The following SLC2A13 variants were observed in gnomAD, a reference collection of about 807,000 sequenced individuals.
SLC2A13 encodes the protein proton myo-inositol cotransporter.
A neutral mutation model predicts 64.4 loss-of-function variants in SLC2A13; 32 were observed. The ratio of observed to expected loss-of-function variants is 0.50; its 90% CI spans 0.37 to 0.67. SLC2A13 has a LOEUF of 0.67. Ranked by LOEUF, SLC2A13 falls within the 30% of genes least tolerant of loss-of-function variation. SLC2A13 has a pLI of 0.00. For synonymous variants in SLC2A13, 338 were observed against 327.1 expected, an observed-to-expected ratio of 1.03 and a Z score of -0.36; for missense variants, 743 against 829.2, an observed-to-expected ratio of 0.90 and a Z score of 1.28.
rs575758320 is a variant in SLC2A13 at position 39,851,426 on chromosome 12, C to T, written c.1319+13336G>A. On this transcript the variant is annotated intron_variant, in intron 6 of 9. Coordinates refer to ENST00000280871, the MANE Select transcript of SLC2A13 (RefSeq NM_052885.4). ...CATTCTGACTCTTAACTGACAATAA[C>T]TTTATATATTGATAATTATTAAAAA... 4.7e-4 allele frequency among the ~76,000 whole-genome samples: 72 copies of T among 152,216 alleles called. No homozygotes were observed. The East Asian group carries it at 9.5e-3, about 20-fold the overall frequency.
At chr12:40,066,205 G>T (rs935726302) in intron 1 of SLC2A13, among the ~76,000 whole-genome samples, 1 of 152,114 alleles carries the variant, frequency 6.6e-6, no homozygotes, top group African/African-American at 2.4e-5. Context: ...GAAAGCTTCA[G>T]GCCTGCATCT....
intron 7 of SLC2A13, among the ~76,000 whole-genome samples, chr12:39,788,392 C>T (rs1261134733): frequency 1.3e-5 from 2 of 152,096 alleles, no homozygotes; most frequent in South Asian, 2.1e-4. Flanking sequence ...AATCTGATAA[C>T]TGAGAAGACT....
At chr12:39,790,131 T>C in intron 7 of SLC2A13, among the ~76,000 whole-genome samples, 1 of 151,642 alleles carries the variant, frequency 6.6e-6, no homozygotes, top group African/African-American at 2.4e-5. Flanking sequence ...TGTGTTCTTT[T>C]TTTTTTTTGA....
chr12:40,069,298 C>T (rs1049726217), intron 1 of SLC2A13, among the ~76,000 whole-genome samples: 4 of 152,024 alleles, frequency 2.6e-5, no homozygotes, highest in Admixed American at 2.0e-4. Flanking sequence ...ACATGTATAG[C>T]TTAATGAATG....
chr12:39,833,411 A>G (rs1377252698), intron 6 of SLC2A13, among the ~76,000 whole-genome samples: 1 of 152,014 alleles, frequency 6.6e-6, no homozygotes, highest in African/African-American at 2.4e-5. Flanking sequence ...AGAGACCTTC[A>G]ACATTCATTC....
intron 3 of SLC2A13, among the ~76,000 whole-genome samples, chr12:39,978,777 G>A (rs1354543035): frequency 2.0e-5 from 3 of 152,140 alleles, no homozygotes; most frequent in South Asian, 2.1e-4. Context: ...GGCTTGCTTA[G>A]GTAAACAAAG....
chr12:39,768,591 C>G (rs1309226452), intron 7 of SLC2A13, among the ~76,000 whole-genome samples: 1 of 151,948 alleles, frequency 6.6e-6, no homozygotes, highest in Non-Finnish European at 1.5e-5. Flanking sequence ...TAGAGAGGCT[C>G]CAGGAGAGGG....
intron 7 of SLC2A13, among the ~76,000 whole-genome samples, chr12:39,811,313 T>C (rs1942151107): frequency 6.6e-6 from 1 of 152,070 alleles, no homozygotes; most frequent in African/African-American, 2.4e-5. Flanking sequence ...TATTTTATTG[T>C]TTCCTACTAC....
At position 40,048,129 on chromosome 12, in the gene SLC2A13, G is replaced by A; in HGVS notation, c.638C>T (p.Thr213Ile). ...GAACTGCCCTCCTGTGATGAAGAGG[G>A]TATTAATGGTGACTAATCGGCCTCT... ...NLRGRLVTIN[T>I]LFITGGQFFA... The change falls in exon 2 of 10, where the codon ACC becomes ATC. Residue 213 changes from threonine (T) to isoleucine (I), a missense_variant. Coordinates refer to ENST00000280871, the MANE Select transcript of SLC2A13 (RefSeq NM_052885.4). The A allele has an allele frequency of 6.2e-7, 1 of 1,613,570 alleles. No individual in the cohort carries two copies. The highest frequency in any genetic ancestry group is 8.5e-7 in the Non-Finnish European group (1 of 1,179,718).
At chr12:39,770,565 C>T (rs1294415810) in intron 7 of SLC2A13, among the ~76,000 whole-genome samples, 1 of 152,140 alleles carries the variant, frequency 6.6e-6, no homozygotes, top group African/African-American at 2.4e-5. Flanking sequence ...GTTTCCTGAT[C>T]TGTGAGATCG....
intron 4 of SLC2A13, among the ~76,000 whole-genome samples, chr12:39,934,050 T>C (rs1945877881): frequency 6.6e-6 from 1 of 152,214 alleles, no homozygotes; most frequent in South Asian, 2.1e-4. Flanking sequence ...GCAATATTGT[T>C]AGATAGTCTG....
chr12:39,880,434 A>G lies in SLC2A13; in HGVS notation c.1035-8473T>C, dbSNP rs1396563656. Among the ~76,000 whole-genome samples the G allele has an allele frequency of 1.3e-5, 2 of 152,220 alleles. 1 individual carries two copies. The highest frequency in any genetic ancestry group is 1.3e-4 in the Admixed American group (2 of 15,282). On this transcript the variant is annotated intron_variant, in intron 4 of 9. Transcript: ENST00000280871. ...CTTTGTACATTATAACATGCAAGAC[A>G]TAAAGCCAAAATTAAAAGTTAGAAA...
chr12:39,894,958 C>T (rs761881810), intron 4 of SLC2A13, among the ~76,000 whole-genome samples: 3 of 152,184 alleles, frequency 2.0e-5, no homozygotes, highest in Non-Finnish European at 4.4e-5. Flanking sequence ...GGAGAACCCT[C>T]ATCTGTGCTT....
intron 3 of SLC2A13, among the ~76,000 whole-genome samples, chr12:40,006,456 A>T (rs1015004189): frequency 6.6e-6 from 1 of 152,240 alleles, no homozygotes; most frequent in African/African-American, 2.4e-5. Context: ...AAAACAAAGC[A>T]TGTAAAGCAT....
At chr12:39,912,983 A>G (rs1945456077) in intron 4 of SLC2A13, among the ~76,000 whole-genome samples, 1 of 152,148 alleles carries the variant, frequency 6.6e-6, no homozygotes, top group Non-Finnish European at 1.5e-5. Flanking sequence ...TATAAAGTAT[A>G]TCACATAATG....
Position 39,997,762 on chromosome 12 carries a change from C to T in SLC2A13, c.925+30539G>A, listed in dbSNP as rs546633659. On this transcript the variant is annotated intron_variant, in intron 3 of 9. Coordinates refer to ENST00000280871, the MANE Select transcript of SLC2A13 (RefSeq NM_052885.4). ...AGGAGAATGGCGAGAACCTGGGAGGCGGAGTTTGCGGTGAGCCGAGATCGC... is the reference window on the plus strand; with the variant it reads ...AGGAGAATGGCGAGAACCTGGGAGGTGGAGTTTGCGGTGAGCCGAGATCGC... Among the ~76,000 whole-genome samples, 14 of 152,094 alleles carry T rather than the reference C, an allele frequency of 9.2e-5. No homozygotes were observed. In the South Asian group the frequency reaches 2.5e-3, roughly 27 times the overall value.
intron 4 of SLC2A13, among the ~76,000 whole-genome samples, chr12:39,940,115 G>C (rs1037543714): frequency 6.6e-6 from 1 of 152,186 alleles, no homozygotes; most frequent in Non-Finnish European, 1.5e-5. Flanking sequence ...ACACGAATGA[G>C]TACAATTCAC....
intron 6 of SLC2A13, 188 bp from the exon 7 acceptor site, chr12:39,830,416 T>C: frequency 7.6e-7 from 1 of 1,311,094 alleles, no homozygotes. Flanking sequence ...CTTCGATTTC[T>C]CCCTCTTTTG....
intron 4 of SLC2A13, among the ~76,000 whole-genome samples, chr12:39,894,372 C>G (rs1488880766): frequency 2.0e-5 from 3 of 152,134 alleles, no homozygotes; most frequent in Non-Finnish European, 4.4e-5. Context: ...TAGAATATCA[C>G]AACAATATTT....
Sources: allele counts gnomAD v4.1 joint callset (sites outside exome capture counted in the v4.1 genomes callset), GRCh38; gene constraint gnomAD v4.1.1; transcripts MANE v1.5; gene names NCBI Gene and HGNC (gene_info 2026-07-23, HGNC 2026-07-21).